SPATA6: variants seen among roughly 807,000 people sequenced by gnomAD.
SPATA6 encodes the protein spermatogenesis-associated protein 6.
A neutral mutation model predicts 65.3 loss-of-function variants in SPATA6; 56 were observed. The observed-to-expected ratio is 0.86, with a 90% CI of 0.69 to 1.07. The LOEUF (loss-of-function observed/expected upper bound fraction) is 1.07. SPATA6 is among the 50% of genes least tolerant of loss of function. The probability of loss-of-function intolerance (pLI) is 0.00; values close to 1 mark genes in which losing one functional copy is unlikely to be tolerated. For synonymous variants in SPATA6, 199 were observed against 213.2 expected (o/e 0.93, Z 0.58); for missense variants, 590 against 594.8 (o/e 0.99, Z 0.08).
At chr1:48,356,522 T>C (rs192348495) in intron 10 of SPATA6, among the ~76,000 whole-genome samples, 1,766 of 147,512 alleles carry the variant, frequency 0.012, 36 homozygotes, top group African/African-American at 0.041. Context: ...TTTTTTTTTT[T>C]TTTTTTTTTG....
At chr1:48,285,733 C>T in the SPATA6 span, among the ~76,000 whole-genome samples, 3 of 152,146 alleles carry the variant, frequency 2.0e-5, no homozygotes, top group African/African-American at 7.2e-5. Context: ...AGGCCCCGCC[C>T]CACCCAGCTT....
chr1:48,276,475 C>CTA, the SPATA6 span, among the ~76,000 whole-genome samples: 1 of 152,212 alleles, frequency 6.6e-6, no homozygotes, highest in Non-Finnish European at 1.5e-5. Flanking sequence ...ACATTAAGTG[C>CTA]TATACATTTC....
chr1:48,380,485 TA>T (rs996214816), intron 9 of SPATA6, among the ~76,000 whole-genome samples: 35 of 152,098 alleles, frequency 2.3e-4, no homozygotes, highest in Non-Finnish European at 7.3e-5. Flanking sequence ...AGAGGGCTCT[TA>T]ATACCTGACT....
chr1:48,358,362 T>G (rs72893239), intron 10 of SPATA6, among the ~76,000 whole-genome samples: 3,755 of 151,584 alleles, frequency 0.025, 100 homozygotes, highest in African/African-American at 0.067. Flanking sequence ...AAAAACAAAT[T>G]TATTTATAAA....
At chr1:48,444,098 G>A (rs1311658820) in intron 3 of SPATA6, among the ~76,000 whole-genome samples, 1 of 152,338 alleles carries the variant, frequency 6.6e-6, no homozygotes, top group Non-Finnish European at 1.5e-5. Context: ...AGGGGACTGA[G>A]AGGTGAAGCC....
the SPATA6 span, among the ~76,000 whole-genome samples, chr1:48,265,849 T>C: frequency 6.6e-6 from 1 of 152,216 alleles, no homozygotes; most frequent in Non-Finnish European, 1.5e-5. Context: ...GCTTTAGACC[T>C]GGATGTTATA....
chr1:48,464,489 G>A (rs1657668794), intron 1 of SPATA6, among the ~76,000 whole-genome samples: 1 of 152,158 alleles, frequency 6.6e-6, no homozygotes, highest in South Asian at 2.1e-4. Flanking sequence ...ATACAAGAAT[G>A]CTCATAGGAG....
chr1:48,359,856 T>C (rs1380222634), intron 9 of SPATA6, 86 bp from the exon 10 acceptor site: 8 of 1,007,966 alleles, frequency 7.9e-6, no homozygotes, highest in Non-Finnish European at 1.1e-5. Flanking sequence ...GTATGCATAG[T>C]AGTCATATGC....
chr1:48,363,855 G>A (rs780109115), intron 9 of SPATA6, among the ~76,000 whole-genome samples: 1 of 151,470 alleles, frequency 6.6e-6, no homozygotes, highest in Non-Finnish European at 1.5e-5. Flanking sequence ...CAATGTGAAG[G>A]TTTGTTACAT....
At chr1:48,454,520 T>C (rs1388311019) in intron 1 of SPATA6, among the ~76,000 whole-genome samples, 1 of 152,226 alleles carries the variant, frequency 6.6e-6, no homozygotes, top group African/African-American at 2.4e-5. Flanking sequence ...ATGAACTTAC[T>C]ATATGCAAGT....
intron 3 of SPATA6, among the ~76,000 whole-genome samples, chr1:48,445,758 C>T (rs2255264): frequency 0.15 from 21,830 of 150,090 alleles, 1,804 homozygotes; most frequent in African/African-American, 0.21. Context: ...CATACTACAT[C>T]CCCTTTTCTA....
intron 11 of SPATA6, among the ~76,000 whole-genome samples, chr1:48,337,668 T>C (rs1254552091): frequency 6.6e-6 from 1 of 151,910 alleles, no homozygotes; most frequent in Non-Finnish European, 1.5e-5. Flanking sequence ...GTCAGTGGAT[T>C]ACAGATGACT....
At chr1:48,324,237 G>A (rs945984752) in intron 11 of SPATA6, among the ~76,000 whole-genome samples, 14 of 152,216 alleles carry the variant, frequency 9.2e-5, no homozygotes, top group African/African-American at 3.4e-4. Flanking sequence ...GGATTACAGG[G>A]ATGAGCCATC....
In SPATA6 at chr1:48,399,568, T is replaced by A. The variant is rs1285310577; in HGVS notation, c.563A>T (p.Lys188Met). 3 of 1,612,838 alleles carry A rather than the reference T, an allele frequency of 1.9e-6. No homozygotes were observed. The African/African-American group carries it at 4.0e-5, about 22-fold the overall frequency. The change falls in exon 7 of 13, where the codon AAG becomes ATG. Residue 188 changes from lysine to methionine, a missense_variant. Lys to Met is a moderately conservative substitution (Grantham distance 95, BLOSUM62 -1). Coordinates refer to ENST00000371847, the MANE Select transcript of SPATA6 (RefSeq NM_019073.4). ...TCTCTCAGGTGACTTGGATTTTTTC[T>A]TTTGTGATCTTGATGTTCTGTTTTG... Reference protein sequence around the residue: ...RLQNRTSRSQKKKSKSPERSK... With the variant: ...RLQNRTSRSQMKKSKSPERSK...
At chr1:48,340,241 TAAAAAA>T (rs58721253) in intron 11 of SPATA6, among the ~76,000 whole-genome samples, 1 of 53,058 alleles carries the variant, frequency 1.9e-5, no homozygotes, top group African/African-American at 1.7e-4. Context: ...AGGCCTGCAC[TAAAAAA>T]AAAAAAAAAA....
At chr1:48,275,337 C>T in the SPATA6 span, among the ~76,000 whole-genome samples, 1 of 152,226 alleles carries the variant, frequency 6.6e-6, no homozygotes, top group African/African-American at 2.4e-5. Context: ...TTATTTCTTT[C>T]TCTTGCCTGA....
In SPATA6 at chr1:48,409,575, G is replaced by A. The variant is rs116718729; in HGVS notation, c.405+1889C>T. Among the ~76,000 whole-genome samples, 1,491 of 152,346 alleles carry A rather than the reference G, an allele frequency of 9.8e-3. 31 individuals carry two copies. Among genetic ancestry groups the A allele is most frequent in the African/African-American group, 0.034 (1,429 of 41,560 alleles). On this transcript the variant is annotated intron_variant, in intron 5 of 12. Coordinates refer to ENST00000371847, the MANE Select transcript of SPATA6 (RefSeq NM_019073.4). ...TGACCCCACATTTCCCTTCTAGGCT[G>A]CCCTAGCAGAGGTTCTCCATGAGCA...
chr1:48,320,370 A>G (rs1210597800), intron 11 of SPATA6, among the ~76,000 whole-genome samples: 2 of 152,224 alleles, frequency 1.3e-5, no homozygotes, highest in African/African-American at 4.8e-5. Context: ...GCAGCAAGAG[A>G]AAAACAAGTA....
chr1:48,381,100 T>C (rs1648520387), intron 9 of SPATA6, among the ~76,000 whole-genome samples: 1 of 152,162 alleles, frequency 6.6e-6, no homozygotes, highest in African/African-American at 2.4e-5. Flanking sequence ...ATGCTGCCAC[T>C]GATCTGACAG....
Sources: allele counts gnomAD v4.1 joint callset (sites outside exome capture counted in the v4.1 genomes callset), GRCh38; gene constraint gnomAD v4.1.1; transcripts MANE v1.5; gene names NCBI Gene and HGNC (gene_info 2026-07-23, HGNC 2026-07-21).